Variants in BCL2 observed in about 807,000 individuals in gnomAD.
The protein encoded by BCL2 is apoptosis regulator Bcl-2.
In BCL2, 1 loss-of-function variant was observed where a neutral mutation model predicts 14.2. The ratio of observed to expected loss-of-function variants is 0.07; its 90% confidence interval spans 0.02 to 0.33. The LOEUF is 0.33. Among genes scored for constraint, BCL2 ranks in the 10% least tolerant of loss-of-function variants. The pLI is 0.99. For missense variants in BCL2, 247 were observed against 305.9 expected (o/e 0.81, Z 1.44); for synonymous variants, 151 against 137.2 (o/e 1.10, Z -0.70).
chr18:63,230,178 C>G (rs368249420), intron 2 of BCL2, among the ~76,000 whole-genome samples: 15 of 152,170 alleles, frequency 9.9e-5, no homozygotes, highest in African/African-American at 3.6e-4. Context: ...CATTCTTCAA[C>G]CAAAATACAA....
Position 63,144,639 on chromosome 18 carries a change from C to G in BCL2, c.586-15880G>C, listed in dbSNP as rs1055343428. The stretch of plus-strand genomic sequence containing the variant: ...AGAGTGTTTAAGATGGGCTGGAAGG[C>G]GGACAGAAAGTGAGACAGGAGCTGA... On this transcript the variant is annotated intron_variant, in intron 2 of 2. Transcript: ENST00000333681. Among the ~76,000 whole-genome samples the G allele has an allele frequency of 3.3e-5, 5 of 152,122 alleles. No individual in the cohort carries two copies. The East Asian group carries it at 9.6e-4, about 29-fold the overall frequency.
At chr18:63,277,605 A>G (rs1599286118) in intron 2 of BCL2, among the ~76,000 whole-genome samples, 1 of 141,398 alleles carries the variant, frequency 7.1e-6, no homozygotes, top group East Asian at 2.0e-4. Context: ...GGTATTTATT[A>G]ACCTTAGTAG....
intron 2 of BCL2, among the ~76,000 whole-genome samples, chr18:63,160,310 G>A (rs900300411): frequency 3.3e-5 from 5 of 152,174 alleles, no homozygotes; most frequent in Non-Finnish European, 7.3e-5. Flanking sequence ...AATGCCAAAG[G>A]GGCTTTTTAG....
chr18:63,205,849 C>T (rs2062010), intron 2 of BCL2, among the ~76,000 whole-genome samples: 46,777 of 151,952 alleles, frequency 0.31, 7,723 homozygotes, highest in East Asian at 0.44. Flanking sequence ...AGAAAACTCC[C>T]GGCCCCATCC....
intron 2 of BCL2, among the ~76,000 whole-genome samples, chr18:63,281,202 C>T (rs1374293129): frequency 5.3e-5 from 8 of 151,978 alleles, no homozygotes; most frequent in Non-Finnish European, 1.2e-4. Context: ...TTGAACAGAT[C>T]CTGAGTTTCT....
intron 2 of BCL2, among the ~76,000 whole-genome samples, chr18:63,255,484 T>C (rs1599272426): frequency 1.3e-5 from 2 of 152,206 alleles, no homozygotes; most frequent in East Asian, 3.8e-4. Flanking sequence ...TTCATTCAAA[T>C]GTTCAGATCT....
chr18:63,192,264 G>A (rs1199391821), intron 2 of BCL2, among the ~76,000 whole-genome samples: 1 of 152,216 alleles, frequency 6.6e-6, no homozygotes, highest in Non-Finnish European at 1.5e-5. Context: ...GCAGTACAAT[G>A]TAGGCAGAAG....
intron 2 of BCL2, among the ~76,000 whole-genome samples, chr18:63,234,270 G>C (rs1030388766): frequency 3.9e-5 from 6 of 152,092 alleles, no homozygotes; most frequent in African/African-American, 1.4e-4. Context: ...GCCCCAGTGT[G>C]TGTTGTCTCC....
chr18:63,241,968 C>A (rs1419611224), intron 2 of BCL2, among the ~76,000 whole-genome samples: 1 of 152,196 alleles, frequency 6.6e-6, no homozygotes, highest in Non-Finnish European at 1.5e-5. Flanking sequence ...TAGTCCTTTC[C>A]AAGGTATGAG....
rs542587703 is a variant in BCL2, at chr18:63,248,087, G to T, written c.585+69995C>A. On this transcript the variant is annotated intron_variant, in intron 2 of 2. Transcript: ENST00000333681. ...GCTGACTGACTCCCCTTCATTTCAC[G>T]CTTCTCTTAAAAGAAAACAGGCTGG... Among the ~76,000 whole-genome samples, 4 of 152,108 alleles carry T rather than the reference G, an allele frequency of 2.6e-5. No homozygotes were observed. In the South Asian group the frequency reaches 8.3e-4, roughly 31 times the overall value.
intron 2 of BCL2, among the ~76,000 whole-genome samples, chr18:63,179,502 C>T (rs561596602): frequency 1.3e-4 from 20 of 152,260 alleles, no homozygotes; most frequent in African/African-American, 4.1e-4. Flanking sequence ...CATGTTTTCT[C>T]CTGGTGCTAT....
intron 2 of BCL2, among the ~76,000 whole-genome samples, chr18:63,270,522 T>C (rs975872278): frequency 1.3e-5 from 2 of 152,208 alleles, no homozygotes; most frequent in Non-Finnish European, 2.9e-5. Context: ...TACATATATA[T>C]GTACCTATGC....
At chr18:63,156,209 G>A (rs1914778680) in intron 2 of BCL2, among the ~76,000 whole-genome samples, 1 of 152,032 alleles carries the variant, frequency 6.6e-6, no homozygotes, top group East Asian at 1.9e-4. Flanking sequence ...GCATGGAAGG[G>A]AGTGGCAGCC....
At chr18:63,289,676 T>C (rs1328266241) in intron 2 of BCL2, among the ~76,000 whole-genome samples, 1 of 152,104 alleles carries the variant, frequency 6.6e-6, no homozygotes, top group East Asian at 1.9e-4. Context: ...GGTGGATCAC[T>C]TGAGGTCAGG....
chr18:63,224,195 T>C (rs1193331029), intron 2 of BCL2, among the ~76,000 whole-genome samples: 1 of 151,714 alleles, frequency 6.6e-6, no homozygotes, highest in Non-Finnish European at 1.5e-5. Context: ...GGTGAGAAAA[T>C]ATGAAAAAAT....
At chr18:63,243,946 T>C (rs570066429) in intron 2 of BCL2, among the ~76,000 whole-genome samples, 174 of 152,320 alleles carry the variant, frequency 1.1e-3, no homozygotes, top group African/African-American at 4.0e-3. Context: ...ACTCTCAAGA[T>C]TTCTAGAAGT....
At chr18:63,133,147 G>A (rs1057435148) in intron 2 of BCL2, among the ~76,000 whole-genome samples, 7 of 152,142 alleles carry the variant, frequency 4.6e-5, no homozygotes, top group Non-Finnish European at 7.4e-5. Context: ...ACTCCCAGCC[G>A]CAGCCTTGCT....
At chr18:63,298,263 C>T (rs371805046) in intron 2 of BCL2, among the ~76,000 whole-genome samples, 1 of 152,222 alleles carries the variant, frequency 6.6e-6, no homozygotes, top group Non-Finnish European at 1.5e-5. Context: ...GAAAACACAG[C>T]TCAGTCGTGG....
intron 2 of BCL2, among the ~76,000 whole-genome samples, chr18:63,253,480 T>A (rs1202751378): frequency 6.6e-6 from 1 of 152,242 alleles, no homozygotes; most frequent in African/African-American, 2.4e-5. Context: ...ATCACATTGC[T>A]GGGGTAGCCC....
Sources: gnomAD v4.1 joint callset for allele counts (sites outside exome capture counted in the v4.1 genomes callset) on GRCh38, gnomAD v4.1.1 for gene constraint, MANE v1.5 for transcripts, NCBI Gene and HGNC (gene_info 2026-07-23, HGNC 2026-07-21) for gene names.